The following OSBPL9 variants were observed in gnomAD, a reference collection of about 807,000 sequenced individuals.
The protein encoded by OSBPL9 is oxysterol binding protein like 9, also known as oxysterol-binding protein-related protein 9.
Under a neutral mutation model 106.6 loss-of-function variants are expected in OSBPL9, and 40 were observed. That is an observed-to-expected ratio of 0.38 (90% CI 0.29 to 0.49). OSBPL9 has a LOEUF of 0.49. Among genes scored for constraint, OSBPL9 ranks in the 20% least tolerant of loss-of-function variants. The pLI is 0.97. For missense variants in OSBPL9, 609 were observed against 887.2 expected, an observed-to-expected ratio of 0.69 and a Z score of 3.98; for synonymous variants, 269 against 295.4, an observed-to-expected ratio of 0.91 and a Z score of 0.92.
intron 1 of OSBPL9, among the ~76,000 whole-genome samples, chr1:51,586,605 G>C (rs1182206828): frequency 2.6e-5 from 4 of 152,198 alleles, no homozygotes; most frequent in Non-Finnish European, 4.4e-5. Context: ...CTAGGAAAAG[G>C]ATATGTACAA....
the OSBPL9 span, among the ~76,000 whole-genome samples, chr1:51,553,374 C>T: frequency 6.6e-6 from 1 of 151,682 alleles, no homozygotes; most frequent in Non-Finnish European, 1.5e-5. Context: ...ATTAACCTGG[C>T]ATGGTGGCAT....
chr1:51,758,731 G>A (rs755938523), intron 9 of OSBPL9, among the ~76,000 whole-genome samples: 4 of 152,184 alleles, frequency 2.6e-5, no homozygotes, highest in Non-Finnish European at 4.4e-5. Context: ...CCTTCAGTGG[G>A]AGGGGTAAGG....
chr1:51,667,121 C>T (rs999432622), intron 2 of OSBPL9, among the ~76,000 whole-genome samples: 1 of 152,122 alleles, frequency 6.6e-6, no homozygotes, highest in South Asian at 2.1e-4. Flanking sequence ...GACTAGGTGA[C>T]TTGTTGAGCT....
At chr1:51,634,447 G>T (rs1480173677) in intron 1 of OSBPL9, among the ~76,000 whole-genome samples, 1 of 152,186 alleles carries the variant, frequency 6.6e-6, no homozygotes, top group Non-Finnish European at 1.5e-5. Flanking sequence ...CTGTGTCGAG[G>T]TTGTAGGGAA....
At chr1:51,780,515 C>T (rs1383548615) in intron 15 of OSBPL9, among the ~76,000 whole-genome samples, 2 of 152,172 alleles carry the variant, frequency 1.3e-5, no homozygotes, top group Non-Finnish European at 2.9e-5. Context: ...CATATATATA[C>T]TGTGGAATGC....
rs1557891765 is a variant in OSBPL9 at position 51,789,178 on chromosome 1, T to C, written c.*1389T>C. Reference sequence around the variant, plus strand: ...CAGTAGTATAACTAACTCCATAAAATACAAACAAACACATTTTAAAATACA... The same window carrying C: ...CAGTAGTATAACTAACTCCATAAAACACAAACAAACACATTTTAAAATACA... On this transcript the variant is annotated 3_prime_UTR_variant, in exon 24 of 24. Transcript: ENST00000428468. 1 of 1,517,872 alleles carries C rather than the reference T, an allele frequency of 6.6e-7. No homozygotes were observed. Among genetic ancestry groups the C allele is most frequent in the African/African-American group, 1.4e-5 (1 of 72,886 alleles). The allele number at this position is 1,517,872 out of a possible 1,614,324, so 94.0% of individuals were successfully genotyped here. A position where few individuals can be genotyped will look rare whatever the true frequency, so the allele number is the denominator to read the frequency against.
At chr1:51,568,933 G>C in the OSBPL9 span, among the ~76,000 whole-genome samples, 1 of 152,154 alleles carries the variant, frequency 6.6e-6, no homozygotes, top group South Asian at 2.1e-4. Context: ...GGATGCTCTC[G>C]AACTCCTGAC....
At chr1:51,613,997 G>C (rs1308741300), upstream of OSBPL9, among the ~76,000 whole-genome samples, 1 of 152,034 alleles carries the variant, frequency 6.6e-6, no homozygotes, top group Non-Finnish European at 1.5e-5. Flanking sequence ...TGCCCAGGCT[G>C]GTCTGTAACT....
rs779867471 is a variant in OSBPL9, at chr1:51,745,523, T to G, written c.319-13T>G. 1.9e-6 allele frequency: 3 copies of G among 1,609,914 alleles called. No homozygotes were observed. In the Admixed American group the frequency reaches 5.0e-5, roughly 27 times the overall value. On this transcript the variant is annotated splice_polypyrimidine_tract_variant and intron_variant, in intron 4 of 23. Transcript: ENST00000428468. The stretch of plus-strand genomic sequence containing the variant: ...GGGTTCTGGTAGATTTATTGCAAAT[T>G]CTCTTTCTCTAGGGTTTGGATTCAG...
intron 14 of OSBPL9, 74 bp from the exon 15 acceptor site, chr1:51,776,759 T>TG: frequency 1.9e-6 from 2 of 1,041,198 alleles, no homozygotes; most frequent in East Asian, 2.4e-5. Flanking sequence ...TGTTTTGTTT[T>TG]CTTTTTTTTT....
intron 2 of OSBPL9, among the ~76,000 whole-genome samples, chr1:51,608,675 A>T (rs1302080151): frequency 7.4e-6 from 1 of 135,392 alleles, no homozygotes; most frequent in East Asian, 2.1e-4. Flanking sequence ...ACATTCCTGG[A>T]TTGGGGGGGG....
chr1:51,675,405 AGTGT>A (rs61005283), intron 3 of OSBPL9, among the ~76,000 whole-genome samples: 2 of 149,454 alleles, frequency 1.3e-5, no homozygotes, highest in Non-Finnish European at 1.5e-5. Context: ...AATGGGGTTG[AGTGT>A]GTGTGTGTGT....
At chr1:51,567,743 C>G in the OSBPL9 span, 1 of 152,232 alleles carries the variant, frequency 6.6e-6, no homozygotes, top group African/African-American at 2.4e-5. Flanking sequence ...AGGACCAGCA[C>G]ACACTCACCC....
the OSBPL9 span, among the ~76,000 whole-genome samples, chr1:51,546,780 A>T: frequency 1.3e-5 from 2 of 152,168 alleles, no homozygotes; most frequent in Non-Finnish European, 2.9e-5. Flanking sequence ...AAAACTGGTA[A>T]ATAAATAAGA....
At chr1:51,702,261 C>G (rs919667947) in intron 3 of OSBPL9, among the ~76,000 whole-genome samples, 18 of 152,342 alleles carry the variant, frequency 1.2e-4, no homozygotes, top group African/African-American at 4.3e-4. Context: ...TACAGTCCCA[C>G]CAACAGTGTA....
At chr1:51,630,659 T>C (rs1645049793) in intron 1 of OSBPL9, among the ~76,000 whole-genome samples, 1 of 152,206 alleles carries the variant, frequency 6.6e-6, no homozygotes, top group Non-Finnish European at 1.5e-5. Flanking sequence ...ATAGACTTTA[T>C]AAACACTGTA....
At position 51,756,335 on chromosome 1, in the gene OSBPL9, G is replaced by T; in HGVS notation, c.559G>T (p.Glu187Ter). 6.2e-7 allele frequency: 1 copy of T among 1,613,142 alleles called. No homozygotes were observed. Among genetic ancestry groups the T allele is most frequent in the Non-Finnish European group, 8.5e-7 (1 of 1,179,398 alleles). Residue 187 changes from glutamate (E) to a stop codon, truncating the protein, a stop_gained, in exon 9 of 24, where the codon GAG (glutamate) becomes TAG (stop). Coordinates refer to ENST00000428468, the MANE Select transcript of OSBPL9 (RefSeq NM_024586.6). LOFTEE classifies it high-confidence loss of function. The stretch of plus-strand genomic sequence containing the variant: ...TTTCCTTAAGGACCAGAGTAATGCG[G>T]AGAAGCACGCAGATGGAATGATAGT... ...LQIAKDQSNAEKHADGMISTI... is the reference protein window; with the variant it reads ...LQIAKDQSNA
the OSBPL9 span, chr1:51,519,242 T>A: frequency 7.7e-7 from 1 of 1,290,826 alleles, no homozygotes. Context: ...GGTGTTTCCA[T>A]CATGCAAGGG....
the OSBPL9 span, among the ~76,000 whole-genome samples, chr1:51,529,242 ATT>A: frequency 2.1e-5 from 3 of 145,076 alleles, no homozygotes; most frequent in Non-Finnish European, 1.5e-5. Context: ...ATGCTTCCTG[ATT>A]TTTTTTTTTT....
Sources: gnomAD v4.1 joint callset for allele counts (sites outside exome capture counted in the v4.1 genomes callset) on GRCh38, gnomAD v4.1.1 for gene constraint, MANE v1.5 for transcripts, NCBI Gene and HGNC (gene_info 2026-07-23, HGNC 2026-07-21) for gene names.